HDAC8: variants seen among roughly 807,000 people sequenced by gnomAD.
HDAC8 encodes histone deacetylase-like 1.
HDAC8 carries 1 observed loss-of-function variant against 32.2 expected under a neutral mutation model. That is an observed-to-expected ratio of 0.03 (90% CI 0.01 to 0.15). HDAC8 has a LOEUF of 0.15. HDAC8 is among the 10% of genes least tolerant of loss of function. The probability of loss-of-function intolerance (pLI) is 1.00; values close to 1 mark genes in which losing one functional copy is unlikely to be tolerated. For synonymous variants in HDAC8, 108 were observed against 113.9 expected (o/e 0.95, Z 0.33); for missense variants, 117 against 300.0 (o/e 0.39, Z 4.51).
chrX:72,551,257 T>C (rs1556070871), intron 4 of HDAC8, among the ~76,000 whole-genome samples: 2 of 111,823 alleles, frequency 1.8e-5, no homozygotes, highest in Non-Finnish European at 1.9e-5. Context: ...AATGAAGTCC[T>C]TGAATATTTT....
In HDAC8 at chrX:72,406,769, G is replaced by A. The variant is rs958215428; in HGVS notation, c.1006-54931C>T. Among the ~76,000 whole-genome samples the A allele has an allele frequency of 2.7e-5, 3 of 112,559 alleles. No individual in the cohort carries two copies. In the Admixed American group the frequency reaches 2.8e-4, roughly 11 times the overall value. On this transcript the variant is annotated intron_variant, in intron 9 of 10. Coordinates refer to ENST00000373573, the MANE Select transcript of HDAC8 (RefSeq NM_018486.3). ...CCACTAGTCACATGTGGCTATTAAA[G>A]TTAATTAAAACAACATTAAAAATTC...
Position 72,490,960 on chromosome X carries a change from G to A in HDAC8, c.597C>T (p.Ser199=), listed in dbSNP as rs1556009228. The change falls in exon 6 of 11, where the codon TCC becomes TCT. Residue 199 remains serine, a synonymous_variant. Transcript: ENST00000373573. The stretch of plus-strand genomic sequence containing the variant: ...AAAATCCTGGGGAGAATTTGTGCAG[G>A]GACACGGTCATGACTTTGGAGGTGA... The part of the protein sequence containing the change: ...FSFTSKVMTV[S]LHKFSPGFFP... 2 of 1,207,449 alleles carry A rather than the reference G, an allele frequency of 1.7e-6. No individual in the cohort carries two copies. Among genetic ancestry groups the A allele is most frequent in the Non-Finnish European group, 2.2e-6 (2 of 892,204 alleles).
chrX:72,352,472 C>A, intron 9 of HDAC8, among the ~76,000 whole-genome samples: 1 of 111,299 alleles, frequency 9.0e-6, no homozygotes, highest in Middle Eastern at 4.6e-3. Context: ...TGTTCACAGG[C>A]ATATTCTGCA....
chrX:72,534,842 T>C (rs1386783893), intron 4 of HDAC8, among the ~76,000 whole-genome samples: 1 of 112,069 alleles, frequency 8.9e-6, no homozygotes, highest in Non-Finnish European at 1.9e-5. Context: ...TGTGGGAAGA[T>C]GCCCTTTAGA....
intron 4 of HDAC8, among the ~76,000 whole-genome samples, chrX:72,496,467 A>G (rs1349354712): frequency 9.0e-6 from 1 of 111,292 alleles, no homozygotes; most frequent in Non-Finnish European, 1.9e-5. Context: ...AGACCAATTA[A>G]AGAAAAAGAT....
At chrX:72,369,340 C>T (rs2044799595) in intron 9 of HDAC8, among the ~76,000 whole-genome samples, 1 of 111,338 alleles carries the variant, frequency 9.0e-6, no homozygotes, top group Non-Finnish European at 1.9e-5. Flanking sequence ...TTGGACATAT[C>T]AGCTCATTTC....
intron 4 of HDAC8, among the ~76,000 whole-genome samples, chrX:72,513,328 C>CT (rs782414687): frequency 0.017 from 1,789 of 102,494 alleles, 27 homozygotes; most frequent in African/African-American, 0.045. Flanking sequence ...TTTCTAATTA[C>CT]TTTTTTTTTT....
chrX:72,417,590 A>G (rs2147917219), intron 9 of HDAC8, among the ~76,000 whole-genome samples: 1 of 112,157 alleles, frequency 8.9e-6, no homozygotes, highest in South Asian at 3.7e-4. Context: ...AAATGGAAAA[A>G]CATTCCATGC....
intron 9 of HDAC8, among the ~76,000 whole-genome samples, chrX:72,388,575 T>C (rs2045521159): frequency 9.7e-6 from 1 of 102,626 alleles, no homozygotes; most frequent in African/African-American, 3.7e-5. Context: ...ATCCTTTGTC[T>C]ATACAAATGC....
chrX:72,568,845 G>A lies in HDAC8; in HGVS notation c.204C>T (p.Ala68=), dbSNP rs1556142595. 1 of 1,210,056 alleles carries A rather than the reference G, an allele frequency of 8.3e-7. No individual in the cohort carries two copies. Among genetic ancestry groups the A allele is most frequent in the Non-Finnish European group, 1.1e-6 (1 of 894,235 alleles). ...GCAGATAAGCATCAGTGTGGAAGGTGGCCATCTCCTCCATGGAGGCCACTT... is the reference window on the plus strand; with the variant it reads ...GCAGATAAGCATCAGTGTGGAAGGTAGCCATCTCCTCCATGGAGGCCACTT... ...KPKVASMEEM[A]TFHTDAYLQH... The change falls in exon 3 of 11, where the codon GCC becomes GCT. Residue 68 remains alanine (A), a synonymous_variant. Coordinates refer to ENST00000373573, the MANE Select transcript of HDAC8 (RefSeq NM_018486.3).
At chrX:72,521,697 T>A (rs2049987153) in intron 4 of HDAC8, among the ~76,000 whole-genome samples, 1 of 111,648 alleles carries the variant, frequency 9.0e-6, no homozygotes, top group African/African-American at 3.3e-5. Flanking sequence ...CTATAATTCT[T>A]CTTTTCTCTC....
intron 9 of HDAC8, among the ~76,000 whole-genome samples, chrX:72,438,315 G>A (rs1481903672): frequency 1.8e-5 from 2 of 111,717 alleles, no homozygotes; most frequent in African/African-American, 6.5e-5. Flanking sequence ...CAAAAAGGAC[G>A]TCCACACATA....
chrX:72,532,986 T>C (rs1393704781), intron 4 of HDAC8, among the ~76,000 whole-genome samples: 2 of 112,017 alleles, frequency 1.8e-5, no homozygotes, highest in East Asian at 5.6e-4. Flanking sequence ...AAGAGTTTTA[T>C]AGTTTTAGTT....
intron 4 of HDAC8, among the ~76,000 whole-genome samples, chrX:72,546,518 G>C (rs1275449316): frequency 1.8e-5 from 2 of 111,045 alleles, no homozygotes; most frequent in African/African-American, 6.6e-5. Flanking sequence ...GTGAAGACTA[G>C]CCAGTCAAAG....
At chrX:72,480,249 C>T (rs111292593) in intron 7 of HDAC8, among the ~76,000 whole-genome samples, 7 of 112,758 alleles carry the variant, frequency 6.2e-5, no homozygotes, top group African/African-American at 2.3e-4. Flanking sequence ...ACCTTAATCA[C>T]TGGGCGACAG....
At chrX:72,347,076 A>AGCACAGTGTGTGGC (rs2044051040) in intron 10 of HDAC8, among the ~76,000 whole-genome samples, 1 of 112,198 alleles carries the variant, frequency 8.9e-6, no homozygotes, top group African/African-American at 3.2e-5. Flanking sequence ...ACTGCTTATT[A>AGCACAGTGTGTGGC]GCACAGTGTG....
intron 4 of HDAC8, among the ~76,000 whole-genome samples, chrX:72,512,052 A>G (rs1186067715): frequency 2.7e-5 from 3 of 112,159 alleles, no homozygotes; most frequent in African/African-American, 9.7e-5. Context: ...TACTTTATAG[A>G]AAGGGAAATT....
chrX:72,357,832 T>C (rs1304139917), intron 9 of HDAC8, among the ~76,000 whole-genome samples: 2 of 111,972 alleles, frequency 1.8e-5, no homozygotes, highest in Non-Finnish European at 3.8e-5. Flanking sequence ...TAGGCATTTA[T>C]CCTTTACTGT....
intron 4 of HDAC8, among the ~76,000 whole-genome samples, chrX:72,549,934 T>C (rs1346850266): frequency 8.1e-5 from 9 of 111,664 alleles, no homozygotes; most frequent in Non-Finnish European, 1.5e-4. Flanking sequence ...ATTGCTAGAG[T>C]CATATTCCTA....
Sources: gnomAD v4.1 joint callset for allele counts (sites outside exome capture counted in the v4.1 genomes callset) on GRCh38, gnomAD v4.1.1 for gene constraint, MANE v1.5 for transcripts, NCBI Gene and HGNC (gene_info 2026-07-23, HGNC 2026-07-21) for gene names.